The following NAV2 variants were observed in gnomAD, a reference collection of about 807,000 sequenced individuals.
NAV2 encodes the protein neuron navigator 2.
A neutral mutation model predicts 223.2 loss-of-function variants in NAV2; 54 were observed. The ratio of observed to expected loss-of-function variants is 0.24; its 90% CI spans 0.19 to 0.30. The LOEUF is 0.30. NAV2 is among the 10% of genes least tolerant of loss of function. The pLI, the probability that NAV2 is intolerant of heterozygous loss-of-function variation, is 1.00. For synonymous variants in NAV2, 1,279 were observed against 1,239.3 expected (o/e 1.03, Z -0.67); for missense variants, 2,806 against 3,147.5 (o/e 0.89, Z 2.60).
intron 1 of NAV2, among the ~76,000 whole-genome samples, chr11:19,463,649 G>T (rs139125830): frequency 1.3e-5 from 2 of 152,372 alleles, no homozygotes; most frequent in African/African-American, 2.4e-5. Flanking sequence ...TCTGGAGAGG[G>T]TGTGGTGTCT....
intron 1 of NAV2, among the ~76,000 whole-genome samples, chr11:19,667,884 A>G (rs2048459885): frequency 6.6e-6 from 1 of 152,208 alleles, no homozygotes. Context: ...CTCAAACACC[A>G]TTAAAGGGAC....
rs989653363 is a variant in NAV2, at chr11:19,912,564, T to G, written c.931+19970T>G. Among the ~76,000 whole-genome samples the G allele has an allele frequency of 2.0e-5, 3 of 152,310 alleles. No homozygotes were observed. The East Asian group carries it at 5.8e-4, about 29-fold the overall frequency. ...AACAGAGATGCATTAAATGAAGGAATGCATTCTTTAGAGTTCATGTCGAAT... is the reference window on the plus strand; with the variant it reads ...AACAGAGATGCATTAAATGAAGGAAGGCATTCTTTAGAGTTCATGTCGAAT... On this transcript the variant is annotated intron_variant, in intron 6 of 37. Coordinates refer to ENST00000349880, the MANE Select transcript of NAV2 (RefSeq NM_145117.5).
intron 1 of NAV2, among the ~76,000 whole-genome samples, chr11:19,550,755 A>C (rs113168902): frequency 0.012 from 1,891 of 152,304 alleles, 36 homozygotes; most frequent in African/African-American, 0.043. Flanking sequence ...CGGACACTGG[A>C]CCAAATTGAG....
chr11:19,508,524 CTCAGTCCCATTT>C (rs1166738769), intron 1 of NAV2, among the ~76,000 whole-genome samples: 2 of 152,124 alleles, frequency 1.3e-5, no homozygotes, highest in African/African-American at 2.4e-5. Context: ...AGTTCTCATT[CTCAGTCCCATTT>C]ACTGTTGGGC....
intron 1 of NAV2, among the ~76,000 whole-genome samples, chr11:19,439,449 C>T (rs1039986607): frequency 1.3e-5 from 2 of 151,962 alleles, no homozygotes; most frequent in Non-Finnish European, 2.9e-5. Context: ...ATAATCACAC[C>T]GGTCCTTAGA....
At chr11:19,958,116 GGCT>G (rs201017971) in intron 10 of NAV2, among the ~76,000 whole-genome samples, 1,791 of 152,184 alleles carry the variant, frequency 0.012, 20 homozygotes, top group Non-Finnish European at 0.018. Context: ...CCTCCAAATG[GGCT>G]GTTCCCTGCC....
chr11:19,804,920 C>T (rs2058467227), intron 1 of NAV2, among the ~76,000 whole-genome samples: 1 of 152,138 alleles, frequency 6.6e-6, no homozygotes, highest in Admixed American at 6.5e-5. Flanking sequence ...GGAGTAAAGG[C>T]CCAGAGGCTG....
At chr11:19,745,893 A>G (rs1023407316) in intron 1 of NAV2, among the ~76,000 whole-genome samples, 3 of 152,178 alleles carry the variant, frequency 2.0e-5, no homozygotes, top group Admixed American at 2.0e-4. Flanking sequence ...GTACTTGTCC[A>G]TGGTTCAAGG....
intron 2 of NAV2, among the ~76,000 whole-genome samples, chr11:19,842,502 A>G (rs539480197): frequency 2.0e-5 from 3 of 152,126 alleles, no homozygotes; most frequent in African/African-American, 7.2e-5. Flanking sequence ...GGACTGATCC[A>G]CTCTGAACTA....
At chr11:19,583,276 G>A (rs1342477634) in intron 1 of NAV2, among the ~76,000 whole-genome samples, 4 of 152,084 alleles carry the variant, frequency 2.6e-5, no homozygotes, top group Admixed American at 2.6e-4. Flanking sequence ...GGAGATTTTG[G>A]GCTGAGACGA....
intron 11 of NAV2, among the ~76,000 whole-genome samples, chr11:20,023,702 GTGTGT>G (rs1564864740): frequency 2.8e-4 from 7 of 24,906 alleles, no homozygotes; most frequent in East Asian, 2.3e-3. Flanking sequence ...ATTGCTGGGT[GTGTGT>G]GTGTGTGTGT....
At chr11:19,630,501 C>T (rs1218527679) in intron 1 of NAV2, among the ~76,000 whole-genome samples, 1 of 152,178 alleles carries the variant, frequency 6.6e-6, no homozygotes, top group Non-Finnish European at 1.5e-5. Flanking sequence ...GGAAAGAAGA[C>T]AATTGTTAAT....
chr11:19,617,987 C>T (rs2046848741), intron 1 of NAV2, among the ~76,000 whole-genome samples: 2 of 152,168 alleles, frequency 1.3e-5, no homozygotes, highest in South Asian at 4.1e-4. Context: ...CTAAAACTCC[C>T]CCATGGGCTC....
intron 1 of NAV2, among the ~76,000 whole-genome samples, chr11:19,669,688 G>T (rs2048524017): frequency 6.6e-6 from 1 of 152,206 alleles, no homozygotes; most frequent in Admixed American, 6.5e-5. Flanking sequence ...AGAAGCACCT[G>T]GCTGAGTGGT....
intron 10 of NAV2, among the ~76,000 whole-genome samples, chr11:19,950,613 G>C (rs1381582229): frequency 2.0e-5 from 3 of 152,152 alleles, no homozygotes; most frequent in Non-Finnish European, 4.4e-5. Context: ...TTGGTTTTCA[G>C]CCTGTTACTT....
Position 19,729,075 on chromosome 11 carries a change from G to A in NAV2, c.267+15113G>A, listed in dbSNP as rs551095862. ...GAGAGTCTGATTTTGCAGATCTGGG[G>A]TGAGGTCCAAGAATTCATATCTTTG... On this transcript the variant is annotated intron_variant, in intron 1 of 37. Coordinates refer to ENST00000349880, the MANE Select transcript of NAV2 (RefSeq NM_145117.5). Among the ~76,000 whole-genome samples the A allele has an allele frequency of 1.2e-4, 18 of 152,278 alleles. No homozygotes were observed. In the South Asian group the frequency reaches 3.7e-3, roughly 32 times the overall value.
intron 1 of NAV2, among the ~76,000 whole-genome samples, chr11:19,657,073 T>C (rs375513953): frequency 7.9e-5 from 12 of 152,166 alleles, no homozygotes; most frequent in African/African-American, 2.6e-4. Context: ...AGTGGTGCTG[T>C]TGAGTGGGAA....
intron 1 of NAV2, among the ~76,000 whole-genome samples, chr11:19,761,078 A>G (rs921302439): frequency 7.9e-5 from 12 of 152,136 alleles, no homozygotes; most frequent in Non-Finnish European, 1.5e-4. Context: ...ATGAGTCTGA[A>G]ACAGCTGGTG....
intron 1 of NAV2, among the ~76,000 whole-genome samples, chr11:19,608,072 G>A (rs2046529346): frequency 6.6e-6 from 1 of 152,102 alleles, no homozygotes; most frequent in Admixed American, 6.5e-5. Flanking sequence ...AACAACCCTG[G>A]TTACCCATCA....
Sources: allele counts gnomAD v4.1 joint callset (sites outside exome capture counted in the v4.1 genomes callset), GRCh38; gene constraint gnomAD v4.1.1; transcripts MANE v1.5; gene names NCBI Gene and HGNC (gene_info 2026-07-23, HGNC 2026-07-21).